Variants in CLNK observed in about 807,000 individuals in gnomAD.
The protein encoded by CLNK is cytokine dependent hematopoietic cell linker.
A neutral mutation model predicts 68.6 loss-of-function variants in CLNK; 74 were observed. The ratio of observed to expected loss-of-function variants is 1.08; its 90% CI spans 0.89 to 1.31. The LOEUF (loss-of-function observed/expected upper bound fraction) is 1.31, where lower values mean the gene tolerates loss of function less well. CLNK is among the 50% of genes most tolerant of loss of function. The pLI is 0.00. For missense variants in CLNK, 553 were observed against 515.3 expected, an observed-to-expected ratio of 1.07 and a Z score of -0.71; for synonymous variants, 198 against 172.2, an observed-to-expected ratio of 1.15 and a Z score of -1.17.
At chr4:10,683,407 TGG>T in intron 1 of CLNK, among the ~76,000 whole-genome samples, 1 of 152,316 alleles carries the variant, frequency 6.6e-6, no homozygotes, top group Non-Finnish European at 1.5e-5. Flanking sequence ...ACCATTTAGA[TGG>T]TTGGTGTCAG....
At chr4:10,578,517 A>C (rs1720656568) in intron 4 of CLNK, among the ~76,000 whole-genome samples, 1 of 148,890 alleles carries the variant, frequency 6.7e-6, no homozygotes, top group Admixed American at 6.7e-5. Flanking sequence ...TATGGGTTTG[A>C]GTTCTACTTT....
chr4:10,608,009 G>A (rs1488116431), intron 2 of CLNK, among the ~76,000 whole-genome samples: 1 of 152,158 alleles, frequency 6.6e-6, no homozygotes, highest in Non-Finnish European at 1.5e-5. Flanking sequence ...TGAATCATTA[G>A]CAGCTGAAAA....
At chr4:10,655,575 C>T (rs1723943322) in intron 2 of CLNK, among the ~76,000 whole-genome samples, 1 of 151,052 alleles carries the variant, frequency 6.6e-6, no homozygotes, top group African/African-American at 2.4e-5. Flanking sequence ...AAAGATCTAC[C>T]TAATAAAACT....
chr4:10,513,121 C>T (rs1435303981), intron 16 of CLNK, among the ~76,000 whole-genome samples: 1 of 152,002 alleles, frequency 6.6e-6, no homozygotes, highest in African/African-American at 2.4e-5. Flanking sequence ...AAAATTGCAA[C>T]CTGTATATCC....
chr4:10,651,725 G>T (rs552309424), intron 2 of CLNK, among the ~76,000 whole-genome samples: 348 of 152,080 alleles, frequency 2.3e-3, no homozygotes, highest in African/African-American at 7.8e-3. Context: ...ATTAATAACA[G>T]AATTAAAATT....
chr4:10,715,955 T>C, the CLNK span, among the ~76,000 whole-genome samples: 1 of 152,202 alleles, frequency 6.6e-6, no homozygotes, highest in Non-Finnish European at 1.5e-5. Context: ...AATTAGGATC[T>C]GAGTCATCAA....
At chr4:10,732,413 A>G in the CLNK span, among the ~76,000 whole-genome samples, 2 of 152,184 alleles carry the variant, frequency 1.3e-5, no homozygotes, top group African/African-American at 4.8e-5. Flanking sequence ...CATCTTAATG[A>G]CAAGTGAAAA....
chr4:10,704,459 A>AT, the CLNK span, among the ~76,000 whole-genome samples: 2 of 135,164 alleles, frequency 1.5e-5, no homozygotes, highest in African/African-American at 5.6e-5. Context: ...CATTTGAAAA[A>AT]TATTTTTTTT....
At chr4:10,638,421 G>A (rs1269560167) in intron 2 of CLNK, among the ~76,000 whole-genome samples, 1 of 152,186 alleles carries the variant, frequency 6.6e-6, no homozygotes, top group Non-Finnish European at 1.5e-5. Context: ...TGAATCAAAG[G>A]TGGCTTTGGC....
chr4:10,621,757 G>A (rs1722469078), intron 2 of CLNK, among the ~76,000 whole-genome samples: 1 of 152,160 alleles, frequency 6.6e-6, no homozygotes, highest in African/African-American at 2.4e-5. Flanking sequence ...GGGGCCTGTG[G>A]CTTCTCTGTG....
At chr4:10,623,055 A>G (rs1012234767) in intron 2 of CLNK, among the ~76,000 whole-genome samples, 3 of 152,196 alleles carry the variant, frequency 2.0e-5, no homozygotes, top group African/African-American at 4.8e-5. Flanking sequence ...CGATATGTCA[A>G]TTTGGGGGAA....
At chr4:10,493,143 C>T (rs989928991) in intron 18 of CLNK, among the ~76,000 whole-genome samples, 2 of 152,184 alleles carry the variant, frequency 1.3e-5, no homozygotes, top group African/African-American at 4.8e-5. Context: ...ATAGTGAAAT[C>T]CCCTCTCTAC....
At chr4:10,696,748 C>G in the CLNK span, among the ~76,000 whole-genome samples, 7 of 152,154 alleles carry the variant, frequency 4.6e-5, no homozygotes, top group African/African-American at 1.7e-4. Context: ...TCCAGCCTCC[C>G]TAGGATTGCC....
the CLNK span, among the ~76,000 whole-genome samples, chr4:10,692,298 G>T: frequency 6.6e-6 from 1 of 152,180 alleles, no homozygotes; most frequent in Non-Finnish European, 1.5e-5. Flanking sequence ...TACTGGGCAA[G>T]GACAGGCTCA....
At chr4:10,491,465 C>T (rs536432063) in intron 18 of CLNK, among the ~76,000 whole-genome samples, 17 of 152,344 alleles carry the variant, frequency 1.1e-4, no homozygotes, top group Non-Finnish European at 1.6e-4. Context: ...AGAACAGGGA[C>T]AACCACGGGG....
At chr4:10,583,992 A>G (rs1720880431) in intron 4 of CLNK, among the ~76,000 whole-genome samples, 1 of 152,200 alleles carries the variant, frequency 6.6e-6, no homozygotes, top group Non-Finnish European at 1.5e-5. Context: ...TGAGAGGTGC[A>G]GGTAGGTGGA....
chr4:10,723,919 A>ACAGAGAGAGAGAG, the CLNK span, among the ~76,000 whole-genome samples: 11 of 148,072 alleles, frequency 7.4e-5, no homozygotes, highest in Non-Finnish European at 9.0e-5. Flanking sequence ...AGAGAGAGAG[A>ACAGAGAGAGAGAG]AGGCAGGGCA....
At chr4:10,659,262 C>T (rs1724099244) in intron 2 of CLNK, among the ~76,000 whole-genome samples, 1 of 152,216 alleles carries the variant, frequency 6.6e-6, no homozygotes, top group Admixed American at 6.5e-5. Context: ...ATTACTTTTG[C>T]AGCAACCTGA....
chr4:10,546,082 C>A (rs1719219326), intron 8 of CLNK, among the ~76,000 whole-genome samples: 2 of 152,248 alleles, frequency 1.3e-5, no homozygotes, highest in South Asian at 4.1e-4. Flanking sequence ...CTTTGGGGTC[C>A]TTCCTCCATT....
Sources: allele counts gnomAD v4.1 joint callset (sites outside exome capture counted in the v4.1 genomes callset), GRCh38; gene constraint gnomAD v4.1.1; transcripts MANE v1.5; gene names NCBI Gene and HGNC (gene_info 2026-07-23, HGNC 2026-07-21).